Variants in GFAP observed in about 807,000 individuals in gnomAD.
GFAP encodes the protein glial fibrillary acidic protein.
A neutral mutation model predicts 49.3 loss-of-function variants in GFAP; 38 were observed. That is an observed-to-expected ratio of 0.77 (90% CI 0.60 to 1.01). The LOEUF (loss-of-function observed/expected upper bound fraction) is 1.01. Among genes scored for constraint, GFAP ranks in the 50% least tolerant of loss-of-function variants. The probability of loss-of-function intolerance (pLI) is 0.00; values close to 1 mark genes in which losing one functional copy is unlikely to be tolerated. For missense variants in GFAP, 463 were observed against 579.1 expected (o/e 0.80, Z 2.06); for synonymous variants, 222 against 236.4 (o/e 0.94, Z 0.56).
At position 44,903,715 on chromosome 17, in the gene GFAP, C is replaced by A; in HGVS notation, c.*3632G>T. The A allele has an allele frequency of 6.9e-7, 1 of 1,440,468 alleles. No homozygotes were observed. Among genetic ancestry groups the A allele is most frequent in the Non-Finnish European group, 9.1e-7 (1 of 1,100,986 alleles). The allele number at this position is 1,440,468 out of a possible 1,614,324, so 89.2% of individuals were successfully genotyped here. On this transcript the variant is annotated 3_prime_UTR_variant, in exon 9 of 9. Transcript: ENST00000588735. Reference sequence around the variant, plus strand: ...TGCAGATTGTTGCTGCTTTTCCTGGCTGCATAATCCTTTCCTCATCTAGAG... The same window carrying A: ...TGCAGATTGTTGCTGCTTTTCCTGGATGCATAATCCTTTCCTCATCTAGAG...
At position 44,906,361 on chromosome 17, in the gene GFAP, C is replaced by T. The variant is rs1791559273; in HGVS notation, c.*986G>A. On this transcript the variant is annotated 3_prime_UTR_variant, in exon 9 of 9. Coordinates refer to ENST00000588735, the MANE Select transcript of GFAP (RefSeq NM_002055.5). Reference sequence around the variant, plus strand: ...GTATGCCTAGCGCCATCCCAATTGCCTCCTCCTCCATCTCTACCAGCGTCC... The same window carrying T: ...GTATGCCTAGCGCCATCCCAATTGCTTCCTCCTCCATCTCTACCAGCGTCC... 1 of 152,540 alleles carries T rather than the reference C, an allele frequency of 6.6e-6. No homozygotes were observed. The highest frequency in any genetic ancestry group is 1.5e-5 in the Non-Finnish European group (1 of 68,288). The allele number at this position is 152,540 out of a possible 1,614,324, so 9.4% of individuals were successfully genotyped here. A position where few individuals can be genotyped will look rare whatever the true frequency, so the allele number is the denominator to read the frequency against.
rs1334745547 is a variant in GFAP at position 44,904,749 on chromosome 17, T to C, written c.*2598A>G. On this transcript the variant is annotated 3_prime_UTR_variant, in exon 9 of 9. Coordinates refer to ENST00000588735, the MANE Select transcript of GFAP (RefSeq NM_002055.5). ...GCCTGGGACAAAGACCGCCAGCACC[T>C]CTACCGCACACAGTACCTGAAGGGT... The C allele has an allele frequency of 6.4e-7, 1 of 1,550,558 alleles. No individual in the cohort carries two copies.
At chr17:44,909,927 C>A in intron 7 of GFAP, 1 of 1,422,066 alleles carries the variant, frequency 7.0e-7, no homozygotes, top group Non-Finnish European at 9.2e-7. Context: ...GACTCACCAC[C>A]TTTACCACTA....
chr17:44,907,718 C>A, intron 8 of GFAP: 1 of 554,818 alleles, frequency 1.8e-6, no homozygotes, highest in Non-Finnish European at 3.2e-6. Flanking sequence ...AAAGCCCTCC[C>A]CATCCCCAAC....
chr17:44,911,755 G>A lies in GFAP; in HGVS notation c.823C>T (p.Leu275Phe). The A allele has an allele frequency of 1.2e-6, 2 of 1,613,952 alleles. No homozygotes were observed. Among genetic ancestry groups the A allele is most frequent in the Non-Finnish European group, 1.7e-6 (2 of 1,180,002 alleles). Reference sequence around the variant, plus strand: ...TTGGCTTCGTGCTTGGCCTGGCGGAGCAGCTCCGCGTTGCGGGCAGCAGCG... The same window carrying A: ...TTGGCTTCGTGCTTGGCCTGGCGGAACAGCTCCGCGTTGCGGGCAGCAGCG... ...TDAAARNAELLRQAKHEANDY... is the reference protein window; with the variant it reads ...TDAAARNAELFRQAKHEANDY... Residue 275 changes from leucine (L) to phenylalanine (F), a missense_variant, in exon 5 of 9, where the codon CTC (leucine) becomes TTC (phenylalanine). Transcript: ENST00000588735.
In GFAP at chr17:44,907,129, G is replaced by A. The variant is rs575841625; in HGVS notation, c.*218C>T. The A allele has an allele frequency of 1.1e-4, 68 of 609,058 alleles. No individual in the cohort carries two copies. The African/African-American group carries it at 1.2e-3, about 11-fold the overall frequency. The allele number at this position is 609,058 out of a possible 1,614,324, so 37.7% of individuals were successfully genotyped here. A position where few individuals can be genotyped will look rare whatever the true frequency, so the allele number is the denominator to read the frequency against. On this transcript the variant is annotated 3_prime_UTR_variant, in exon 9 of 9. Transcript: ENST00000588735. ...CCCCTTGGGGGTGAGTTTCTTGTTA[G>A]TTGGAGTTGCTGGGTGCTGGGTGGG...
At position 44,903,828 on chromosome 17, in the gene GFAP, G is replaced by T. The variant is rs758002210; in HGVS notation, c.*3519C>A. On this transcript the variant is annotated 3_prime_UTR_variant, in exon 9 of 9. Coordinates refer to ENST00000588735, the MANE Select transcript of GFAP (RefSeq NM_002055.5). Reference sequence around the variant, plus strand: ...CCCCTCTGACCCCTGCCTCCTTCAGGTATGCACCTGGCCCTCACCACTGTG... The same window carrying T: ...CCCCTCTGACCCCTGCCTCCTTCAGTTATGCACCTGGCCCTCACCACTGTG... 175 of 1,548,992 alleles carry T rather than the reference G, an allele frequency of 1.1e-4. No individual in the cohort carries two copies. Among genetic ancestry groups the T allele is most frequent in the Non-Finnish European group, 1.4e-4 (166 of 1,146,140 alleles).
At chr17:44,910,110 A>G (rs1399908432) in intron 7 of GFAP, 3 of 1,613,746 alleles carry the variant, frequency 1.9e-6, no homozygotes, top group Admixed American at 1.7e-5. Context: ...AAGCTGGGCA[A>G]AGCGCCGTGT....
At chr17:44,908,230 AC>A (rs1018560702) in intron 7 of GFAP, 81 bp from the exon 8 acceptor site, 11 of 908,928 alleles carry the variant, frequency 1.2e-5, no homozygotes, top group East Asian at 4.9e-5. Context: ...TCCCCATCGC[AC>A]CCCCCTCCCC....
intron 6 of GFAP, 128 bp from the exon 7 acceptor site, chr17:44,910,786 T>C: frequency 2.2e-6 from 3 of 1,377,426 alleles, no homozygotes; most frequent in East Asian, 2.5e-5. Context: ...CTCCATCTCC[T>C]AGCTTTTTCC....
At chr17:44,907,636 G>A (rs1477410687) in intron 8 of GFAP, 6 of 599,112 alleles carry the variant, frequency 1.0e-5, no homozygotes, top group Non-Finnish European at 1.8e-5. Flanking sequence ...TGTGGTTGGA[G>A]TGGCGTGGCG....
Position 44,904,748 on chromosome 17 carries a change from C to T in GFAP, c.*2599G>A. 1 of 1,550,640 alleles carries T rather than the reference C, an allele frequency of 6.4e-7. No homozygotes were observed. The highest frequency in any genetic ancestry group is 8.7e-7 in the Non-Finnish European group (1 of 1,147,006). Reference sequence around the variant, plus strand: ...GGCCTGGGACAAAGACCGCCAGCACCTCTACCGCACACAGTACCTGAAGGG... The same window carrying T: ...GGCCTGGGACAAAGACCGCCAGCACTTCTACCGCACACAGTACCTGAAGGG... On this transcript the variant is annotated 3_prime_UTR_variant, in exon 9 of 9. Transcript: ENST00000588735.
chr17:44,915,111 G>A lies in GFAP; in HGVS notation c.376C>T (p.Arg126Trp), dbSNP rs201959936. The change falls in exon 1 of 9, where the codon CGG (arginine) becomes TGG (tryptophan). Residue 126 changes from arginine to tryptophan, a missense_variant. This residue lies in a region of GFAP where 362 missense variants were observed against 445.5 expected (regional missense o/e 0.81). Coordinates refer to ENST00000588735, the MANE Select transcript of GFAP (RefSeq NM_002055.5). The surrounding 1 kb of genome is among the most constrained non-coding windows in gnomAD (Gnocchi z 4.1). ...YQAELRELRL[R>W]LDQLTANSAR... Reference sequence around the variant, plus strand: ...CTGTTGGCGGTGAGTTGATCGAGCCGCAGCCGCAGCTCTCGCAGCTCAGCC... The same window carrying A: ...CTGTTGGCGGTGAGTTGATCGAGCCACAGCCGCAGCTCTCGCAGCTCAGCC... The A allele has an allele frequency of 2.2e-5, 36 of 1,613,674 alleles. No homozygotes were observed. Among genetic ancestry groups the A allele is most frequent in the Admixed American group, 1.2e-4 (7 of 60,008 alleles).
intron 1 of GFAP, 107 bp from the exon 2 acceptor site, chr17:44,914,195 A>G (rs1228002107): frequency 6.6e-6 from 5 of 762,756 alleles, no homozygotes; most frequent in Non-Finnish European, 1.1e-5. Flanking sequence ...CCCACCCAGG[A>G]CCAGTAGAGC....
At chr17:44,910,336 C>A in intron 7 of GFAP, 1 of 1,612,814 alleles carries the variant, frequency 6.2e-7, no homozygotes. Flanking sequence ...GATCTGCAGA[C>A]AGGGCAGATG....
chr17:44,910,014 C>A lies in GFAP; in HGVS notation c.1171+601G>T, dbSNP rs1366919621. On this transcript the variant is annotated intron_variant, in intron 7 of 8. Transcript: ENST00000588735. ...GGCACTGCAGTTCCTGGGAAAATGA[C>A]GCAGTCCAGGCCCTTTAGGGGAAGC... is the stretch of plus-strand genomic sequence containing the variant. 2.6e-6 allele frequency: 4 copies of A among 1,556,730 alleles called. No individual in the cohort carries two copies. In the East Asian group the frequency reaches 9.0e-5, roughly 35 times the overall value.
chr17:44,904,376 G>A lies in GFAP; in HGVS notation c.*2971C>T. On this transcript the variant is annotated 3_prime_UTR_variant, in exon 9 of 9. Coordinates refer to ENST00000588735, the MANE Select transcript of GFAP (RefSeq NM_002055.5). ...ATGGACCCCCTGTGACCGCTGCGGAGTGCGTGGGGAGCAGTGGCGCATCGG... is the reference window on the plus strand; with the variant it reads ...ATGGACCCCCTGTGACCGCTGCGGAATGCGTGGGGAGCAGTGGCGCATCGG... 1.9e-6 allele frequency: 3 copies of A among 1,543,476 alleles called. No homozygotes were observed. The highest frequency in any genetic ancestry group is 2.6e-6 in the Non-Finnish European group (3 of 1,141,842).
At chr17:44,909,313 AAAAT>A (rs1340176495) in intron 7 of GFAP, 1 of 152,254 alleles carries the variant, frequency 6.6e-6, no homozygotes, top group African/African-American at 2.4e-5. Context: ...ACAATTAACT[AAAAT>A]AAAGGCTGTT....
chr17:44,906,608 C>A lies in GFAP; in HGVS notation c.*739G>T, dbSNP rs2051656278. The A allele has an allele frequency of 6.5e-6, 1 of 152,884 alleles. No homozygotes were observed. The highest frequency in any genetic ancestry group is 2.4e-5 in the African/African-American group (1 of 41,460). The allele number at this position is 152,884 out of a possible 1,614,324, so 9.5% of individuals were successfully genotyped here. On this transcript the variant is annotated 3_prime_UTR_variant, in exon 9 of 9. Coordinates refer to ENST00000588735, the MANE Select transcript of GFAP (RefSeq NM_002055.5). The stretch of plus-strand genomic sequence containing the variant: ...GGACTGAGACACTTGAGTCATCGCT[C>A]AGGAGGTCCTTCTGGGATCTGGGCA...
Sources: gnomAD v4.1 joint callset for allele counts on GRCh38, gnomAD v4.1.1 for gene constraint, gnomAD v4.1.1 regional missense constraint, Gnocchi (gnomAD v3.1) non-coding constraint, MANE v1.5 for transcripts, NCBI Gene and HGNC (gene_info 2026-07-23, HGNC 2026-07-21) for gene names.